The following KCND2 variants were observed in gnomAD, a reference collection of about 807,000 sequenced individuals.
The protein encoded by KCND2 is potassium voltage-gated channel subfamily D member 2, also known as A-type voltage-gated potassium channel KCND2.
In KCND2, 16 loss-of-function variants were observed where a neutral mutation model predicts 54.4. That is an observed-to-expected ratio of 0.29 (90% CI 0.20 to 0.45). KCND2 has a LOEUF of 0.45. Ranked by LOEUF, KCND2 falls within the 20% of genes least tolerant of loss-of-function variation. The pLI is 1.00. For missense variants in KCND2, 486 were observed against 824.2 expected, an observed-to-expected ratio of 0.59 and a Z score of 5.02; for synonymous variants, 317 against 310.7, an observed-to-expected ratio of 1.02 and a Z score of -0.21.
intron 1 of KCND2, among the ~76,000 whole-genome samples, chr7:120,670,753 A>G (rs1176327678): frequency 6.6e-6 from 1 of 151,916 alleles, no homozygotes; most frequent in Admixed American, 6.6e-5. Context: ...CGTCTCTACT[A>G]AAAATACAAA....
intron 1 of KCND2, among the ~76,000 whole-genome samples, chr7:120,426,011 C>T (rs557163014): frequency 6.6e-6 from 1 of 151,658 alleles, no homozygotes; most frequent in African/African-American, 2.4e-5. Context: ...AAAATAGCAC[C>T]TGTTAATTTC....
chr7:120,336,913 AG>A (rs2116358607), intron 1 of KCND2, among the ~76,000 whole-genome samples: 1 of 152,304 alleles, frequency 6.6e-6, no homozygotes, highest in South Asian at 2.1e-4. Context: ...CTAATAAATT[AG>A]TTTCTCTCCA....
At chr7:120,332,117 A>G (rs868596324) in intron 1 of KCND2, among the ~76,000 whole-genome samples, 1 of 152,072 alleles carries the variant, frequency 6.6e-6, no homozygotes, top group African/African-American at 2.4e-5. Context: ...TGAAATTGAT[A>G]TCATTAATTA....
At chr7:120,688,224 A>T (rs1792228323) in intron 1 of KCND2, among the ~76,000 whole-genome samples, 2 of 152,280 alleles carry the variant, frequency 1.3e-5, no homozygotes, top group South Asian at 4.1e-4. Flanking sequence ...GGGTCTACAA[A>T]CTTTTTCTGT....
At chr7:120,297,945 T>C (rs569871455) in intron 1 of KCND2, among the ~76,000 whole-genome samples, 1 of 152,204 alleles carries the variant, frequency 6.6e-6, no homozygotes, top group Non-Finnish European at 1.5e-5. Flanking sequence ...ATGGAAATGG[T>C]CTACATTTGT....
At chr7:120,526,582 T>C (rs1791776764) in intron 1 of KCND2, among the ~76,000 whole-genome samples, 3 of 152,244 alleles carry the variant, frequency 2.0e-5, no homozygotes, top group East Asian at 3.9e-4. Flanking sequence ...AGAAGGAACC[T>C]GATATTCTGT....
intron 1 of KCND2, among the ~76,000 whole-genome samples, chr7:120,686,345 A>G (rs984353159): frequency 6.6e-6 from 1 of 152,104 alleles, no homozygotes; most frequent in Non-Finnish European, 1.5e-5. Flanking sequence ...AATGTTTTCC[A>G]TAGTTGCTGC....
At chr7:120,719,522 T>G (rs1488798297) in intron 1 of KCND2, among the ~76,000 whole-genome samples, 3 of 152,194 alleles carry the variant, frequency 2.0e-5, no homozygotes. Context: ...TGTTTTTAAT[T>G]TAAAGCACAC....
intron 1 of KCND2, among the ~76,000 whole-genome samples, chr7:120,596,863 G>T (rs78227401): frequency 0.041 from 6,199 of 152,218 alleles, 157 homozygotes; most frequent in Non-Finnish European, 0.066. Flanking sequence ...GCTGAGATCT[G>T]ACAGAAAGAT....
intron 1 of KCND2, among the ~76,000 whole-genome samples, chr7:120,589,056 A>G (rs1450429733): frequency 4.6e-5 from 7 of 152,246 alleles, no homozygotes; most frequent in Non-Finnish European, 8.8e-5. Flanking sequence ...GACACAGGTC[A>G]AAGTGGACAA....
At chr7:120,383,908 CTGAGT>C (rs1800951186) in intron 1 of KCND2, among the ~76,000 whole-genome samples, 1 of 152,064 alleles carries the variant, frequency 6.6e-6, no homozygotes, top group Admixed American at 6.6e-5. Context: ...CAAGACCTAT[CTGAGT>C]TATCAATCTA....
At chr7:120,372,431 A>G (rs1426775439) in intron 1 of KCND2, among the ~76,000 whole-genome samples, 2 of 150,566 alleles carry the variant, frequency 1.3e-5, no homozygotes, top group Non-Finnish European at 3.0e-5. Flanking sequence ...CTGGGCAATG[A>G]GCAAAGTTTG....
chr7:120,546,743 G>A (rs937048496), intron 1 of KCND2, among the ~76,000 whole-genome samples: 3 of 151,882 alleles, frequency 2.0e-5, no homozygotes, highest in Non-Finnish European at 4.4e-5. Context: ...CATTCATCAA[G>A]TACACAAATT....
At chr7:120,698,030 T>TTC (rs1454781846) in intron 1 of KCND2, among the ~76,000 whole-genome samples, 2 of 142,710 alleles carry the variant, frequency 1.4e-5, no homozygotes, top group Non-Finnish European at 3.1e-5. Context: ...CCCTTTTTTT[T>TTC]TTTTTTTTTT....
At chr7:120,454,939 G>A (rs57687096) in intron 1 of KCND2, among the ~76,000 whole-genome samples, 3,291 of 152,112 alleles carry the variant, frequency 0.022, 96 homozygotes, top group African/African-American at 0.07. Flanking sequence ...TGTAGTAGCC[G>A]CAAAAGGAGT....
At chr7:120,495,422 T>C (rs1802835241) in intron 1 of KCND2, among the ~76,000 whole-genome samples, 1 of 152,144 alleles carries the variant, frequency 6.6e-6, no homozygotes, top group South Asian at 2.1e-4. Context: ...GAAACAAGCC[T>C]GTCAAACCAA....
chr7:120,394,175 A>C (rs62471552), intron 1 of KCND2, among the ~76,000 whole-genome samples: 15,519 of 152,010 alleles, frequency 0.1, 835 homozygotes, highest in Admixed American at 0.13. Flanking sequence ...GGCCACATAG[A>C]AGATGGAGTT....
At chr7:120,372,095 A>G (rs888537636) in intron 1 of KCND2, among the ~76,000 whole-genome samples, 9 of 151,926 alleles carry the variant, frequency 5.9e-5, no homozygotes, top group African/African-American at 1.2e-4. Flanking sequence ...TTGGTTATCT[A>G]CCCAGTAGTG....
chr7:120,732,960 G>C lies in KCND2; in HGVS notation c.1173G>C (p.Ser391=). ...IAGKIFGSIC[S]LSGVLVIALP... is the part of the protein sequence containing the mutation. ...GGAAGATTTTTGGTTCTATCTGTTC[G>C]CTGAGTGGGGTCTTGGTCATTGCTC... is the stretch of plus-strand genomic sequence containing the variant. Residue 391 remains serine, a synonymous_variant, in exon 2 of 6, where the codon TCG becomes TCC. Transcript: ENST00000331113. The C allele has an allele frequency of 6.2e-7, 1 of 1,613,540 alleles. No homozygotes were observed. Among genetic ancestry groups the C allele is most frequent in the Non-Finnish European group, 8.5e-7 (1 of 1,179,672 alleles).
Sources: gnomAD v4.1 joint callset for allele counts (sites outside exome capture counted in the v4.1 genomes callset) on GRCh38, gnomAD v4.1.1 for gene constraint, MANE v1.5 for transcripts, NCBI Gene and HGNC (gene_info 2026-07-23, HGNC 2026-07-21) for gene names.